The following ACOXL variants were observed in gnomAD, a reference collection of about 807,000 sequenced individuals.
ACOXL encodes the protein acyl-coenzyme A oxidase-like protein.
ACOXL carries 70 observed loss-of-function variants against 71.9 expected under a neutral mutation model. The ratio of observed to expected loss-of-function variants is 0.97; its 90% confidence interval spans 0.80 to 1.19. The LOEUF is 1.19. Among genes scored for constraint, ACOXL ranks in the 50% most tolerant of loss-of-function variants. The pLI, the probability that ACOXL is intolerant of heterozygous loss-of-function variation, is 0.00. For synonymous variants in ACOXL, 253 were observed against 281.6 expected (o/e 0.90, Z 1.02); for missense variants, 703 against 736.3 (o/e 0.95, Z 0.52).
At chr2:110,866,237 G>C (rs991664122) in intron 10 of ACOXL, among the ~76,000 whole-genome samples, 26 of 152,310 alleles carry the variant, frequency 1.7e-4, no homozygotes, top group African/African-American at 5.1e-4. Context: ...ACTGCTGTGG[G>C]AAGTCCCATA....
intron 9 of ACOXL, among the ~76,000 whole-genome samples, chr2:110,839,556 A>T (rs142368632): frequency 1.3e-5 from 2 of 152,306 alleles, no homozygotes; most frequent in Admixed American, 1.3e-4. Context: ...TATATATTTC[A>T]TACCTTCACT....
chr2:110,832,701 A>G (rs2105655823), intron 9 of ACOXL, among the ~76,000 whole-genome samples: 1 of 152,356 alleles, frequency 6.6e-6, no homozygotes, highest in Admixed American at 6.5e-5. Context: ...TAGTATGTAG[A>G]ATATGTTAAG....
In ACOXL at chr2:110,886,890, C is replaced by T. The variant is rs570283941; in HGVS notation, c.789-21899C>T. ...AACTGGTTTTTGCTAACGTTTCTTA[C>T]GCTTGCTCGTGAAATCAGCCACTTA... On this transcript the variant is annotated intron_variant, in intron 10 of 17. Coordinates refer to ENST00000439055, the MANE Select transcript of ACOXL (RefSeq NM_001142807.4). 403 of 1,547,156 alleles carry T rather than the reference C, an allele frequency of 2.6e-4. 3 individuals are homozygous for T. The South Asian group carries it at 3.6e-3, about 14-fold the overall frequency.
At position 111,039,736 on chromosome 2, in the gene ACOXL, G is replaced by A. The variant is rs112797028; in HGVS notation, c.1369+8022G>A. On this transcript the variant is annotated intron_variant, in intron 15 of 17. Transcript: ENST00000439055. ...CCACCTGGAAAATAAGATAATTCTC[G>A]TAGATTTTTATAACTATGGGTGAAA... Among the ~76,000 whole-genome samples, 547 of 152,260 alleles carry A rather than the reference G, an allele frequency of 3.6e-3. 5 individuals carry two copies. The highest frequency in any genetic ancestry group is 0.011 in the African/African-American group (465 of 41,542).
chr2:111,108,604 G>A (rs1209787104), intron 17 of ACOXL, among the ~76,000 whole-genome samples: 3 of 152,194 alleles, frequency 2.0e-5, no homozygotes, highest in Admixed American at 2.0e-4. Flanking sequence ...GTCTCGTCCC[G>A]ACCTCAGGTG....
intron 11 of ACOXL, among the ~76,000 whole-genome samples, chr2:110,909,802 A>G (rs936359106): frequency 1.3e-5 from 2 of 150,840 alleles, no homozygotes; most frequent in African/African-American, 2.4e-5. Context: ...GGATGGGTGC[A>G]CCTGTGTTCT....
At chr2:110,856,881 G>T (rs542152005) in intron 10 of ACOXL, among the ~76,000 whole-genome samples, 1 of 152,302 alleles carries the variant, frequency 6.6e-6, no homozygotes, top group Admixed American at 6.5e-5. Flanking sequence ...CTCTTGTATG[G>T]GATTCCAAGG....
At chr2:110,913,364 G>T (rs190111379) in intron 11 of ACOXL, among the ~76,000 whole-genome samples, 4 of 152,272 alleles carry the variant, frequency 2.6e-5, no homozygotes, top group African/African-American at 7.2e-5. Context: ...GATGTCCATA[G>T]ATTGACAAAT....
rs539284857 is a variant in ACOXL, at chr2:110,934,242, A to G, written c.1059+600A>G. On this transcript the variant is annotated intron_variant, in intron 12 of 17. Coordinates refer to ENST00000439055, the MANE Select transcript of ACOXL (RefSeq NM_001142807.4). Reference sequence around the variant, plus strand: ...TCTCCACACCCATGCGGGGGTCCAGAGCCCATGACAAAGTGAACCCAAGTT... The same window carrying G: ...TCTCCACACCCATGCGGGGGTCCAGGGCCCATGACAAAGTGAACCCAAGTT... Among the ~76,000 whole-genome samples, 6 of 152,352 alleles carry G rather than the reference A, an allele frequency of 3.9e-5. No homozygotes were observed. The South Asian group carries it at 1.2e-3, about 32-fold the overall frequency.
At chr2:110,838,038 G>A (rs1345514953) in intron 9 of ACOXL, among the ~76,000 whole-genome samples, 5 of 152,194 alleles carry the variant, frequency 3.3e-5, no homozygotes, top group African/African-American at 1.2e-4. Flanking sequence ...TTTGTCTAAG[G>A]GGCTCCATGA....
chr2:110,963,844 T>C, intron 12 of ACOXL: 1 of 1,289,310 alleles, frequency 7.8e-7, no homozygotes, highest in Non-Finnish European at 1.1e-6. Context: ...ATATTTGTTG[T>C]AGCTGAACAG....
chr2:110,839,971 G>GGTTTGTTGTTGTTGTT (rs56243154), intron 9 of ACOXL, among the ~76,000 whole-genome samples: 95,763 of 149,628 alleles, frequency 0.64, 31,398 homozygotes, highest in South Asian at 0.77. Flanking sequence ...ATGATGCTTA[G>GGTTTGTTGTTGTTGTT]GTTTGTTGTT....
At chr2:111,085,966 A>AG (rs988203914) in intron 16 of ACOXL, among the ~76,000 whole-genome samples, 1 of 152,212 alleles carries the variant, frequency 6.6e-6, no homozygotes, top group Non-Finnish European at 1.5e-5. Flanking sequence ...GAAGTCTAGA[A>AG]GAAAGGGATA....
rs919716019 is a variant in ACOXL, at chr2:110,836,435, A to G, written c.754-4936A>G. Reference sequence around the variant, plus strand: ...TGTTTGAGTGGTATTCTGTGTGTCCATGGCTCTCTTTGAGTGGTATTCTGT... The same window carrying G: ...TGTTTGAGTGGTATTCTGTGTGTCCGTGGCTCTCTTTGAGTGGTATTCTGT... On this transcript the variant is annotated intron_variant, in intron 9 of 17. Coordinates refer to ENST00000439055, the MANE Select transcript of ACOXL (RefSeq NM_001142807.4). 3.6e-4 allele frequency among the ~76,000 whole-genome samples: 55 copies of G among 151,154 alleles called. 1 individual carries two copies. Among genetic ancestry groups the G allele is most frequent in the African/African-American group, 1.3e-3 (54 of 41,100 alleles).
intron 16 of ACOXL, among the ~76,000 whole-genome samples, chr2:111,066,557 A>G (rs1342313394): frequency 6.6e-6 from 1 of 152,340 alleles, no homozygotes; most frequent in African/African-American, 2.4e-5. Flanking sequence ...AAGATACCCA[A>G]CATATCTCTG....
Position 110,836,426 on chromosome 2 carries a change from T to C in ACOXL, c.754-4945T>C, listed in dbSNP as rs545280098. Reference sequence around the variant, plus strand: ...GCCTGGCCCTGTTTGAGTGGTATTCTGTGTGTCCATGGCTCTCTTTGAGTG... The same window carrying C: ...GCCTGGCCCTGTTTGAGTGGTATTCCGTGTGTCCATGGCTCTCTTTGAGTG... On this transcript the variant is annotated intron_variant, in intron 9 of 17. Transcript: ENST00000439055. 5.3e-5 allele frequency among the ~76,000 whole-genome samples: 8 copies of C among 152,060 alleles called. No individual in the cohort carries two copies. In the South Asian group the frequency reaches 1.7e-3, roughly 32 times the overall value.
chr2:110,795,564 C>T (rs1052906907), intron 5 of ACOXL: 1 of 152,190 alleles, frequency 6.6e-6, no homozygotes, highest in Non-Finnish European at 1.5e-5. Context: ...TGTAACCTTA[C>T]GAAAATGTAT....
At position 110,933,570 on chromosome 2, in the gene ACOXL, G is replaced by A. The variant is rs3761711; in HGVS notation, c.987G>A (p.Ala329=). ...VNSRSLQALV[A]GLKAYSTWEN... ...GTCGCTCGCTGCAGGCTCTGGTGGC[G>A]GGGCTGAAGGCCTACAGCACCTGGG... The change falls in exon 12 of 18, where the codon GCG becomes GCA. Residue 329 remains alanine, a synonymous_variant. Transcript: ENST00000439055. The A allele has an allele frequency of 0.017, 27,539 of 1,614,006 alleles. 2,644 individuals are homozygous for A. In the East Asian group the frequency reaches 0.24, roughly 14 times the overall value.
chr2:110,770,081 C>G (rs1449767868), intron 2 of ACOXL, among the ~76,000 whole-genome samples: 3 of 152,062 alleles, frequency 2.0e-5, no homozygotes, highest in African/African-American at 7.2e-5. Flanking sequence ...CCAACACCAC[C>G]CGCCCTCTGA....
Sources: gnomAD v4.1 joint callset for allele counts (sites outside exome capture counted in the v4.1 genomes callset) on GRCh38, gnomAD v4.1.1 for gene constraint, MANE v1.5 for transcripts, NCBI Gene and HGNC (gene_info 2026-07-23, HGNC 2026-07-21) for gene names.